KLHL14: variants seen among roughly 807,000 people sequenced by gnomAD.
The protein encoded by KLHL14 is kelch-like protein 14.
A neutral mutation model predicts 64.3 loss-of-function variants in KLHL14; 22 were observed. That is an observed-to-expected ratio of 0.34 (90% CI 0.24 to 0.49). The LOEUF is 0.49. Ranked by LOEUF, KLHL14 falls within the 20% of genes least tolerant of loss-of-function variation. The pLI, the probability that KLHL14 is intolerant of heterozygous loss-of-function variation, is 0.99. For synonymous variants in KLHL14, 322 were observed against 333.4 expected (o/e 0.97, Z 0.37); for missense variants, 661 against 789.0 (o/e 0.84, Z 1.94).
chr18:32,754,089 A>G (rs988432658), intron 2 of KLHL14, among the ~76,000 whole-genome samples: 1 of 152,224 alleles, frequency 6.6e-6, no homozygotes, highest in Admixed American at 6.5e-5. Flanking sequence ...GTGACAGGAG[A>G]AAGCTCTTCT....
At chr18:32,675,663 T>A (rs1031511989) in intron 8 of KLHL14, among the ~76,000 whole-genome samples, 1 of 152,198 alleles carries the variant, frequency 6.6e-6, no homozygotes, top group Non-Finnish European at 1.5e-5. Flanking sequence ...TAGAGGCTAG[T>A]GCTTGTGTAA....
At chr18:32,727,571 C>G (rs910690078) in intron 3 of KLHL14, among the ~76,000 whole-genome samples, 3 of 152,172 alleles carry the variant, frequency 2.0e-5, no homozygotes, top group Admixed American at 1.3e-4. Context: ...CTTATCTGCA[C>G]ATATGTCCTT....
intron 2 of KLHL14, among the ~76,000 whole-genome samples, chr18:32,753,861 AT>A (rs2144542422): frequency 6.6e-6 from 1 of 152,306 alleles, no homozygotes; most frequent in East Asian, 1.9e-4. Flanking sequence ...ATAATCCCTA[AT>A]TCTAATACCT....
Position 32,717,142 on chromosome 18 carries a change from G to A in KLHL14, c.1070-21590C>T, listed in dbSNP as rs559683486. Among the ~76,000 whole-genome samples, 175 of 152,284 alleles carry A rather than the reference G, an allele frequency of 1.1e-3. 1 individual carries two copies. The South Asian group carries it at 0.024, about 21-fold the overall frequency. On this transcript the variant is annotated intron_variant, in intron 3 of 8. Coordinates refer to ENST00000359358, the MANE Select transcript of KLHL14 (RefSeq NM_020805.3). ...GGAATGAATATTTTTATTCTATTTG[G>A]CCCACTTTTAGTTACGTGAGAAAAC...
chr18:32,767,052 A>C (rs2050349818), intron 2 of KLHL14, among the ~76,000 whole-genome samples: 1 of 152,172 alleles, frequency 6.6e-6, no homozygotes, highest in Non-Finnish European at 1.5e-5. Flanking sequence ...TTTTATATTT[A>C]GAGTTTAAAA....
At chr18:32,768,155 CGGG>C (rs2050356503) in intron 2 of KLHL14, among the ~76,000 whole-genome samples, 1 of 152,024 alleles carries the variant, frequency 6.6e-6, no homozygotes, top group African/African-American at 2.4e-5. Context: ...TAAAAGCACA[CGGG>C]GATTTGGATT....
intron 5 of KLHL14, among the ~76,000 whole-genome samples, chr18:32,685,210 G>A (rs2049871087): frequency 6.6e-6 from 1 of 152,082 alleles, no homozygotes; most frequent in Non-Finnish European, 1.5e-5. Flanking sequence ...GTAGGACCCT[G>A]CCATGATAGG....
intron 3 of KLHL14, among the ~76,000 whole-genome samples, chr18:32,715,610 T>G (rs1411247724): frequency 6.6e-6 from 1 of 152,144 alleles, no homozygotes; most frequent in South Asian, 2.1e-4. Context: ...AATGACAACG[T>G]TGAAAAGATA....
At chr18:32,766,377 G>A (rs536946628) in intron 2 of KLHL14, among the ~76,000 whole-genome samples, 6 of 151,802 alleles carry the variant, frequency 4.0e-5, no homozygotes, top group Non-Finnish European at 7.4e-5. Flanking sequence ...ATATCATGTC[G>A]CTTTATGAAA....
intron 3 of KLHL14, among the ~76,000 whole-genome samples, chr18:32,727,945 G>C (rs975352059): frequency 7.3e-6 from 1 of 137,436 alleles, no homozygotes; most frequent in African/African-American, 2.8e-5. Flanking sequence ...TGTGATTTTT[G>C]CAAGTGAGGA....
chr18:32,760,724 G>C (rs2050310045), intron 2 of KLHL14, among the ~76,000 whole-genome samples: 1 of 152,156 alleles, frequency 6.6e-6, no homozygotes, highest in Admixed American at 6.5e-5. Context: ...CAGCAGAAAA[G>C]AAAGCCTCTA....
At chr18:32,759,077 C>G (rs2050299859) in intron 2 of KLHL14, among the ~76,000 whole-genome samples, 1 of 152,128 alleles carries the variant, frequency 6.6e-6, no homozygotes, top group East Asian at 1.9e-4. Context: ...GAATTATATT[C>G]TTTAAGTGGG....
At chr18:32,704,413 A>G (rs1359558527) in intron 3 of KLHL14, among the ~76,000 whole-genome samples, 1 of 152,126 alleles carries the variant, frequency 6.6e-6, no homozygotes, top group Non-Finnish European at 1.5e-5. Context: ...ACAAGGTATC[A>G]GAAGGTCTAA....
intron 3 of KLHL14, among the ~76,000 whole-genome samples, chr18:32,733,390 G>T (rs1206459351): frequency 1.4e-5 from 1 of 70,772 alleles, no homozygotes; most frequent in Non-Finnish European, 3.0e-5. Context: ...AGAGAGAAAG[G>T]AGAGAGAGAG....
intron 3 of KLHL14, among the ~76,000 whole-genome samples, chr18:32,717,848 G>A (rs1382142938): frequency 2.6e-5 from 4 of 152,130 alleles, no homozygotes; most frequent in Non-Finnish European, 5.9e-5. Context: ...TAGATATTTT[G>A]ACTTGACATA....
intron 8 of KLHL14, among the ~76,000 whole-genome samples, 177 bp downstream of exon 8, chr18:32,676,996 A>C (rs1311640942): frequency 6.6e-6 from 1 of 152,154 alleles, no homozygotes; most frequent in Non-Finnish European, 1.5e-5. Flanking sequence ...ATCAGCTAGC[A>C]AGCCAGTTCA....
chr18:32,708,805 C>G (rs2050004084), intron 3 of KLHL14, among the ~76,000 whole-genome samples: 1 of 152,160 alleles, frequency 6.6e-6, no homozygotes, highest in Non-Finnish European at 1.5e-5. Flanking sequence ...CAGGTCTGAG[C>G]AAAGAAGGAG....
chr18:32,678,377 G>C (rs1286660002), intron 7 of KLHL14, among the ~76,000 whole-genome samples: 1 of 152,094 alleles, frequency 6.6e-6, no homozygotes, highest in Admixed American at 6.5e-5. Context: ...TGAATAAAAA[G>C]GTGGAGAAAT....
chr18:32,768,413 A>ACACT (rs1555667333), intron 2 of KLHL14, among the ~76,000 whole-genome samples: 1 of 151,724 alleles, frequency 6.6e-6, no homozygotes, highest in African/African-American at 2.4e-5. Context: ...ACACACACAC[A>ACACT]CACACACACA....
Sources: gnomAD v4.1 joint callset for allele counts (sites outside exome capture counted in the v4.1 genomes callset) on GRCh38, gnomAD v4.1.1 for gene constraint, MANE v1.5 for transcripts, NCBI Gene and HGNC (gene_info 2026-07-23, HGNC 2026-07-21) for gene names.